Variants in ANKFY1 observed in about 807,000 individuals in gnomAD.
ANKFY1 encodes the protein ankyrin repeat and FYVE domain containing 1, also known as ankyrin repeat and FYVE domain-containing protein 1.
In ANKFY1, 47 loss-of-function variants were observed where a neutral mutation model predicts 128.3. That is an observed-to-expected ratio of 0.37 (90% CI 0.29 to 0.47). The LOEUF is 0.47. Among genes scored for constraint, ANKFY1 ranks in the 20% least tolerant of loss-of-function variants. ANKFY1 has a pLI of 1.00. For synonymous variants in ANKFY1, 553 were observed against 601.6 expected (o/e 0.92, Z 1.18); for missense variants, 1,222 against 1,510.6 (o/e 0.81, Z 3.17).
chr17:4,196,556 T>C lies in ANKFY1; in HGVS notation c.1103+817A>G, dbSNP rs575921789. Reference sequence around the variant, plus strand: ...ACCACAAGGAATCCTCAACTATTTCTGGAAAGGGGCAAAATGAACACAATA... The same window carrying C: ...ACCACAAGGAATCCTCAACTATTTCCGGAAAGGGGCAAAATGAACACAATA... On this transcript the variant is annotated intron_variant, in intron 8 of 24. Transcript: ENST00000341657. 1.7e-3 allele frequency among the ~76,000 whole-genome samples: 254 copies of C among 152,232 alleles called. 1 individual carries two copies. The highest frequency in any genetic ancestry group is 5.9e-3 in the African/African-American group (245 of 41,538).
chr17:4,253,205 A>G (rs561028469), intron 1 of ANKFY1, among the ~76,000 whole-genome samples: 1 of 152,310 alleles, frequency 6.6e-6, no homozygotes, highest in East Asian at 1.9e-4. Context: ...TGGGCGACAG[A>G]GCCAGACTCC....
intron 4 of ANKFY1, 71 bp from the exon 5 acceptor site, chr17:4,210,018 C>A: frequency 2.0e-6 from 3 of 1,465,778 alleles, no homozygotes; most frequent in South Asian, 2.5e-5. Context: ...CCAAAGCGAT[C>A]ATCTTTGTAC....
At chr17:4,171,756 A>G (rs755126789) in intron 22 of ANKFY1, among the ~76,000 whole-genome samples, 2 of 152,174 alleles carry the variant, frequency 1.3e-5, no homozygotes, top group Non-Finnish European at 1.5e-5. Flanking sequence ...AAAGGCCACA[A>G]ACTCCTCTCA....
chr17:4,177,119 C>CACTT lies in ANKFY1; in HGVS notation c.2775+3_2775+6dup. 1 of 1,577,960 alleles carries CACTT rather than the reference C, an allele frequency of 6.3e-7. No homozygotes were observed. Among genetic ancestry groups the CACTT allele is most frequent in the Non-Finnish European group, 8.6e-7 (1 of 1,161,644 alleles). On this transcript the variant is annotated splice_region_variant and intron_variant, in intron 19 of 24. Coordinates refer to ENST00000341657, the MANE Select transcript of ANKFY1 (RefSeq NM_001330063.2). ...ATTATTACATGCAATACTTCTGTGT[C>CACTT]ACTTACCAAATTGCGGACAATAATT...
intron 7 of ANKFY1, among the ~76,000 whole-genome samples, chr17:4,203,769 C>G (rs994040846): frequency 7.0e-6 from 1 of 141,946 alleles, no homozygotes; most frequent in Non-Finnish European, 1.5e-5. Flanking sequence ...GAGCCGAGAC[C>G]GAGCCATTGC....
At chr17:4,168,047 G>T (rs531189920) in intron 24 of ANKFY1, 136 bp from the exon 25 acceptor site, 3 of 893,912 alleles carry the variant, frequency 3.4e-6, no homozygotes, top group East Asian at 2.7e-5. Context: ...CCAACTGCCA[G>T]CCCGGTTACC....
At chr17:4,224,214 GTTTTTTTTTT>G (rs33995900) in intron 3 of ANKFY1, among the ~76,000 whole-genome samples, 3 of 66,722 alleles carry the variant, frequency 4.5e-5, no homozygotes, top group African/African-American at 1.8e-4. Flanking sequence ...CACCTTTGAA[GTTTTTTTTTT>G]TTTTTTTTTT....
At chr17:4,172,341 G>A (rs1432557831) in intron 22 of ANKFY1, among the ~76,000 whole-genome samples, 2 of 152,090 alleles carry the variant, frequency 1.3e-5, no homozygotes, top group African/African-American at 4.8e-5. Flanking sequence ...GGGTATGGAT[G>A]GTTTCAGAGC....
rs1399933082 is a variant in ANKFY1 at position 4,178,285 on chromosome 17, A to T, written c.2598+572T>A. On this transcript the variant is annotated intron_variant, in intron 18 of 24. Transcript: ENST00000341657. This position sits in a 1 kb window ranked among gnomAD's most constrained non-coding sequence, Gnocchi z 4.1. ...GAATGCCACTGATAAATGCGCCAGT[A>T]CTCTAGGTGCTGGCTGGAGAGCCAA... 6.4e-6 allele frequency: 1 copy of T among 156,342 alleles called. No homozygotes were observed. The highest frequency in any genetic ancestry group is 1.4e-5 in the Non-Finnish European group (1 of 70,440). 9.7% of individuals were successfully genotyped at this position (156,342 alleles called of 1,614,324 possible).
intron 8 of ANKFY1, 140 bp downstream of exon 8, chr17:4,197,233 C>T (rs1297524452): frequency 5.9e-6 from 5 of 842,590 alleles, no homozygotes; most frequent in Admixed American, 4.4e-5. Context: ...TACTACACAT[C>T]GATGTCTGTG....
At chr17:4,250,026 T>A (rs145166081) in intron 1 of ANKFY1, among the ~76,000 whole-genome samples, 2 of 152,286 alleles carry the variant, frequency 1.3e-5, no homozygotes, top group East Asian at 3.9e-4. Context: ...TTCTTAAAAC[T>A]CTTGTTTTGG....
At chr17:4,254,780 A>G (rs1006253794) in intron 1 of ANKFY1, among the ~76,000 whole-genome samples, 1 of 152,210 alleles carries the variant, frequency 6.6e-6, no homozygotes, top group Non-Finnish European at 1.5e-5. Context: ...CTTTCCTGTA[A>G]TATTTTGCAA....
chr17:4,183,672 C>A, intron 13 of ANKFY1, 121 bp from the exon 14 acceptor site: 1 of 1,422,820 alleles, frequency 7.0e-7, no homozygotes, highest in Admixed American at 2.0e-5. Flanking sequence ...ATCTAACAGG[C>A]TTAACTCAAA....
In ANKFY1 at chr17:4,181,201, G is replaced by A; in HGVS notation, c.2240+53C>T. The A allele has an allele frequency of 6.9e-7, 1 of 1,455,856 alleles. No individual in the cohort carries two copies. 90.2% of individuals were successfully genotyped at this position (1,455,856 alleles called of 1,614,324 possible). ...GACGGATTTAAAAAGGAAAGAGCCAGTTTGCAACAAGCTCACTAAAAAGCT... is the reference window on the plus strand; with the variant it reads ...GACGGATTTAAAAAGGAAAGAGCCAATTTGCAACAAGCTCACTAAAAAGCT... On this transcript the variant is annotated intron_variant, in intron 16 of 24. Transcript: ENST00000341657. This position sits in a 1 kb window ranked among gnomAD's most constrained non-coding sequence, Gnocchi z 4.9.
chr17:4,235,358 A>G (rs1424666105), intron 3 of ANKFY1, among the ~76,000 whole-genome samples: 2 of 120,302 alleles, frequency 1.7e-5, no homozygotes, highest in African/African-American at 5.5e-5. Context: ...AAAAAAAAGA[A>G]AAAAAAAGTC....
chr17:4,173,110 A>C (rs973791223), intron 21 of ANKFY1, among the ~76,000 whole-genome samples: 9 of 152,028 alleles, frequency 5.9e-5, no homozygotes, highest in African/African-American at 2.2e-4. Context: ...CCCGCCTCGG[A>C]CTCCCGAAGT....
intron 3 of ANKFY1, among the ~76,000 whole-genome samples, chr17:4,221,481 G>T (rs957895260): frequency 6.6e-6 from 1 of 152,126 alleles, no homozygotes; most frequent in Non-Finnish European, 1.5e-5. Context: ...CAAAGTGCTG[G>T]TATTACAGGC....
intron 3 of ANKFY1, among the ~76,000 whole-genome samples, chr17:4,220,304 T>G (rs2060288818): frequency 6.6e-6 from 1 of 152,276 alleles, no homozygotes; most frequent in Admixed American, 6.5e-5. Context: ...AATACCTCAG[T>G]AGTCATCGTA....
At position 4,197,586 on chromosome 17, in the gene ANKFY1, G is replaced by T. The variant is rs1364206040; in HGVS notation, c.899-9C>A. 4.3e-6 allele frequency: 7 copies of T among 1,612,810 alleles called. No individual in the cohort carries two copies. The Admixed American group carries it at 1.2e-4, about 27-fold the overall frequency. On this transcript the variant is annotated splice_polypyrimidine_tract_variant and intron_variant, in intron 7 of 24. Coordinates refer to ENST00000341657, the MANE Select transcript of ANKFY1 (RefSeq NM_001330063.2). ...GGCAGCAAAGAGATCTCCTTGAAAA[G>T]AAATAATAGAAGAAACAGTGTCAGG...
Sources: gnomAD v4.1 joint callset for allele counts (sites outside exome capture counted in the v4.1 genomes callset) on GRCh38, gnomAD v4.1.1 for gene constraint, Gnocchi (gnomAD v3.1) non-coding constraint, MANE v1.5 for transcripts, NCBI Gene and HGNC (gene_info 2026-07-23, HGNC 2026-07-21) for gene names.